Variants in PRP4K observed in about 807,000 individuals in gnomAD.
PRP4K encodes pre-mRNA processing factor kinase PRP4K.
chr6:4,035,969 AAATAAT>A, the PRP4K span, among the ~76,000 whole-genome samples: 9 of 152,034 alleles, frequency 5.9e-5, no homozygotes, highest in Non-Finnish European at 1.3e-4. Flanking sequence ...CCATCTCAAA[AAATAAT>A]AATAATAATA....
At chr6:4,048,352 C>G in the PRP4K span, among the ~76,000 whole-genome samples, 1 of 145,430 alleles carries the variant, frequency 6.9e-6, no homozygotes, top group East Asian at 2.0e-4. Flanking sequence ...GCACTCCAGC[C>G]TGGGCGACAA....
At chr6:4,048,336 G>A in the PRP4K span, among the ~76,000 whole-genome samples, 172 of 143,966 alleles carry the variant, frequency 1.2e-3, 1 homozygote, top group African/African-American at 4.3e-3. Flanking sequence ...CGGAGATCGC[G>A]CCACTGCACT....
At chr6:4,031,781 TAAA>T in the PRP4K span, 4 of 1,609,922 alleles carry the variant, frequency 2.5e-6, no homozygotes, top group Non-Finnish European at 2.5e-6. Flanking sequence ...ATGCTTCTGA[TAAA>T]GAGGGTATGT....
the PRP4K span, chr6:4,062,699 A>G: frequency 6.6e-6 from 1 of 152,434 alleles, no homozygotes; most frequent in African/African-American, 2.4e-5. This position sits in a 1 kb window ranked among gnomAD's most constrained non-coding sequence, Gnocchi z 4.2. Flanking sequence ...ATGATATAAT[A>G]AGCCACCTCT....
chr6:4,045,563 AT>A, the PRP4K span, among the ~76,000 whole-genome samples: 1 of 152,338 alleles, frequency 6.6e-6, no homozygotes, highest in South Asian at 2.1e-4. Context: ...TTACACAGAT[AT>A]TGCCAATTTA....
At chr6:4,051,597 A>G in the PRP4K span, among the ~76,000 whole-genome samples, 1 of 152,236 alleles carries the variant, frequency 6.6e-6, no homozygotes, top group South Asian at 2.1e-4. Context: ...GATTACAGGC[A>G]TGAGCTACCG....
At chr6:4,043,908 T>C in the PRP4K span, 1 of 1,614,112 alleles carries the variant, frequency 6.2e-7, no homozygotes, top group Non-Finnish European at 8.5e-7. Flanking sequence ...CATCTCCAGA[T>C]GACATTCTGG....
chr6:4,044,080 A>T, the PRP4K span: 1 of 1,512,164 alleles, frequency 6.6e-7, no homozygotes, highest in Non-Finnish European at 9.1e-7. Context: ...CTGTAACTTT[A>T]TAATAAGAGA....
At chr6:4,021,319 C>G in the PRP4K span, 1 of 1,451,536 alleles carries the variant, frequency 6.9e-7, no homozygotes, top group Non-Finnish European at 9.4e-7. Context: ...CTCTTCCCTA[C>G]ACGGTCGGCA....
the PRP4K span, among the ~76,000 whole-genome samples, chr6:4,043,563 C>G: frequency 2.6e-5 from 4 of 152,190 alleles, no homozygotes; most frequent in South Asian, 6.2e-4. Flanking sequence ...ATAAATGGTG[C>G]CTCATCTGAT....
chr6:4,052,252 T>TTTGTTGTTG, the PRP4K span, among the ~76,000 whole-genome samples: 6 of 151,644 alleles, frequency 4.0e-5, no homozygotes, highest in South Asian at 4.1e-4. Flanking sequence ...ACAGCTAGTC[T>TTTGTTGTTG]TTGTTGTTGT....
chr6:4,056,281 C>T, the PRP4K span: 1 of 1,412,686 alleles, frequency 7.1e-7, no homozygotes, highest in South Asian at 1.2e-5. Context: ...ATTAATTATT[C>T]CTGGCTTGAA....
the PRP4K span, among the ~76,000 whole-genome samples, chr6:4,021,925 G>A: frequency 2.6e-5 from 4 of 152,184 alleles, no homozygotes; most frequent in African/African-American, 9.6e-5. Flanking sequence ...TTTTACTGGT[G>A]TCAGTTTAGG....
the PRP4K span, among the ~76,000 whole-genome samples, chr6:4,055,388 A>G: frequency 2.6e-5 from 4 of 152,230 alleles, no homozygotes; most frequent in African/African-American, 9.6e-5. Context: ...GGAGTTAAAA[A>G]TAATCATTTC....
chr6:4,038,211 C>T, the PRP4K span, among the ~76,000 whole-genome samples: 1 of 152,226 alleles, frequency 6.6e-6, no homozygotes, highest in African/African-American at 2.4e-5. Flanking sequence ...TTACATATCT[C>T]TCAGAATTTT....
At chr6:4,056,902 A>G in the PRP4K span, 2 of 1,103,742 alleles carry the variant, frequency 1.8e-6, no homozygotes, top group Admixed American at 2.9e-5. Flanking sequence ...CACAAAACTA[A>G]TTGTCAAACT....
the PRP4K span, among the ~76,000 whole-genome samples, chr6:4,048,640 T>C: frequency 6.6e-6 from 1 of 152,044 alleles, no homozygotes; most frequent in Non-Finnish European, 1.5e-5. Flanking sequence ...ACATCATGGC[T>C]CACCGCAGCC....
chr6:4,056,461 T>C, the PRP4K span: 1 of 1,612,230 alleles, frequency 6.2e-7, no homozygotes, highest in East Asian at 2.2e-5. Context: ...TTCTTTGACC[T>C]GGGCCATCAT....
the PRP4K span, among the ~76,000 whole-genome samples, chr6:4,025,031 T>G: frequency 2.0e-5 from 3 of 152,246 alleles, no homozygotes; most frequent in East Asian, 5.8e-4. Flanking sequence ...CCATGTTGTC[T>G]GCACTTCTCA....
Sources: gnomAD v4.1 joint callset for allele counts (sites outside exome capture counted in the v4.1 genomes callset) on GRCh38, gnomAD v4.1.1 for gene constraint, Gnocchi (gnomAD v3.1) non-coding constraint, MANE v1.5 for transcripts, NCBI Gene and HGNC (gene_info 2026-07-23, HGNC 2026-07-21) for gene names.